Variants in NDUFB5 observed in about 807,000 individuals in gnomAD.
NDUFB5 encodes NADH dehydrogenase [ubiquinone] 1 beta subcomplex subunit 5, mitochondrial.
A neutral mutation model predicts 19.4 loss-of-function variants in NDUFB5; 19 were observed. The observed-to-expected ratio is 0.98, with a 90% CI of 0.68 to 1.43. The LOEUF (loss-of-function observed/expected upper bound fraction) is 1.43. Ranked by LOEUF, NDUFB5 falls within the 40% of genes most tolerant of loss-of-function variation. The probability of loss-of-function intolerance (pLI) is 0.00; values close to 1 mark genes in which losing one functional copy is unlikely to be tolerated. For missense variants in NDUFB5, 233 were observed against 236.5 expected (o/e 0.99, Z 0.10); for synonymous variants, 80 against 82.6 (o/e 0.97, Z 0.17).
chr3:179,615,831 A>G, intron 2 of NDUFB5, 152 bp from the exon 3 acceptor site: 1 of 668,306 alleles, frequency 1.5e-6, no homozygotes, highest in African/African-American at 1.8e-5. Context: ...TTTACCAAAA[A>G]GTAAAATCAC....
chr3:179,616,969 T>C lies in NDUFB5; in HGVS notation c.281-14T>C. 2 of 1,601,966 alleles carry C rather than the reference T, an allele frequency of 1.2e-6. No individual in the cohort carries two copies. Among genetic ancestry groups the C allele is most frequent in the Non-Finnish European group, 1.7e-6 (2 of 1,170,534 alleles). Reference sequence around the variant, plus strand: ...CTCATGCTAAAGTTAAACATAACCATTTTTTCTTATTAGGTCAAGCTGAAC... The same window carrying C: ...CTCATGCTAAAGTTAAACATAACCACTTTTTCTTATTAGGTCAAGCTGAAC... On this transcript the variant is annotated splice_polypyrimidine_tract_variant and intron_variant, in intron 3 of 5. Coordinates refer to ENST00000259037, the MANE Select transcript of NDUFB5 (RefSeq NM_002492.4).
chr3:179,616,120 A>G, intron 3 of NDUFB5, 71 bp downstream of exon 3: 1 of 1,081,754 alleles, frequency 9.2e-7, no homozygotes, highest in Non-Finnish European at 1.4e-6. Context: ...CATTAATATA[A>G]AAAAGAAATT....
At chr3:179,609,003 C>T (rs1719172767) in intron 1 of NDUFB5, among the ~76,000 whole-genome samples, 1 of 152,310 alleles carries the variant, frequency 6.6e-6, no homozygotes, top group South Asian at 2.1e-4. Flanking sequence ...TAAAGCTTCA[C>T]TTAACATCAT....
At position 179,618,458 on chromosome 3, in the gene NDUFB5, C is replaced by T. The variant is rs754971901; in HGVS notation, c.386C>T (p.Pro129Leu). Residue 129 changes from proline (P) to leucine (L), a missense_variant, in exon 5 of 6, where the codon CCT (proline) becomes CTT (leucine). Pro to Leu is a moderately conservative substitution (Grantham distance 98, BLOSUM62 -3). Transcript: ENST00000259037. The stretch of plus-strand genomic sequence containing the variant: ...ATTGCCCGTAATTTCTATGATAGTC[C>T]TGAAAAGATATATGAAAGAACAATG... Reference protein sequence around the residue: ...RWIARNFYDSPEKIYERTMAV... With the variant: ...RWIARNFYDSLEKIYERTMAV... 6.2e-7 allele frequency: 1 copy of T among 1,611,284 alleles called. No individual in the cohort carries two copies. Among genetic ancestry groups the T allele is most frequent in the Non-Finnish European group, 8.5e-7 (1 of 1,179,320 alleles).
chr3:179,613,441 A>G (rs911360430), intron 1 of NDUFB5, among the ~76,000 whole-genome samples: 7 of 152,024 alleles, frequency 4.6e-5, no homozygotes, highest in African/African-American at 1.2e-4. Context: ...TGTAGTGTGT[A>G]TTTCTCCCAG....
rs1185733913 is a variant in NDUFB5 at position 179,616,042 on chromosome 3, A to G, written c.273A>G (p.Val91=). ...PVAIFITLVN[V]FIGQAELAEI... is the part of the protein sequence containing the mutation. Reference sequence around the variant, plus strand: ...CAATTTTCATAACTCTGGTGAATGTATTCATTGGTAAGTCACTTCCATCCC... The same window carrying G: ...CAATTTTCATAACTCTGGTGAATGTGTTCATTGGTAAGTCACTTCCATCCC... Residue 91 remains valine, a synonymous_variant, in exon 3 of 6, where the codon GTA becomes GTG. Coordinates refer to ENST00000259037, the MANE Select transcript of NDUFB5 (RefSeq NM_002492.4). 1 of 1,613,280 alleles carries G rather than the reference A, an allele frequency of 6.2e-7. No homozygotes were observed. Among genetic ancestry groups the G allele is most frequent in the East Asian group, 2.2e-5 (1 of 44,846 alleles).
rs1719694821 is a variant in NDUFB5 at position 179,627,233 on chromosome 3, G to T, written c.*3193G>T. ...AAAGAAATCAAAGAGTGTGTAAGCA[G>T]AAACTCAGTTGTACGTAAGAAAACC... On this transcript the variant is annotated 3_prime_UTR_variant, in exon 6 of 6. Coordinates refer to ENST00000259037, the MANE Select transcript of NDUFB5 (RefSeq NM_002492.4). The T allele has an allele frequency of 6.6e-6, 1 of 152,118 alleles. No individual in the cohort carries two copies. The highest frequency in any genetic ancestry group is 6.6e-5 in the Admixed American group (1 of 15,264). The allele number at this position is 152,118 out of a possible 1,614,324, so 9.4% of individuals were successfully genotyped here. A position where few individuals can be genotyped will look rare whatever the true frequency, so the allele number is the denominator to read the frequency against.
At position 179,615,040 on chromosome 3, in the gene NDUFB5, G is replaced by C. The variant is rs1013196739; in HGVS notation, c.194G>C (p.Arg65Thr). ...FVIRPSRFYD[R>T]RFLKLLRFYI... ...ATCAGACCTTCTAGATTCTATGACAGGCGTTTTTTGAAGTTATTGGTAAGT... is the reference window on the plus strand; with the variant it reads ...ATCAGACCTTCTAGATTCTATGACACGCGTTTTTTGAAGTTATTGGTAAGT... The change falls in exon 2 of 6, where the codon AGG becomes ACG. Residue 65 changes from arginine (R) to threonine (T), a missense_variant. Coordinates refer to ENST00000259037, the MANE Select transcript of NDUFB5 (RefSeq NM_002492.4). 1.9e-6 allele frequency: 3 copies of C among 1,606,174 alleles called. No homozygotes were observed. In the African/African-American group the frequency reaches 4.0e-5, roughly 21 times the overall value.
Position 179,605,949 on chromosome 3 carries a change from G to A in NDUFB5, c.124+1010G>A, listed in dbSNP as rs893850668. 3.9e-5 allele frequency among the ~76,000 whole-genome samples: 6 copies of A among 152,014 alleles called. No homozygotes were observed. The South Asian group carries it at 6.2e-4, about 16-fold the overall frequency. On this transcript the variant is annotated intron_variant, in intron 1 of 5. Transcript: ENST00000259037. The stretch of plus-strand genomic sequence containing the variant: ...TGAGGCTACAGGTGCACACCACCAC[G>A]CCTGGCTAATTTTTGTATATTTAGT...
In NDUFB5 at chr3:179,625,256, A is replaced by G. The variant is rs1201651310; in HGVS notation, c.*1216A>G. The G allele has an allele frequency of 1.3e-5, 2 of 152,204 alleles. No individual in the cohort carries two copies. Among genetic ancestry groups the G allele is most frequent in the Non-Finnish European group, 1.5e-5 (1 of 68,038 alleles). 9.4% of individuals were successfully genotyped at this position (152,204 alleles called of 1,614,324 possible). ...CAAACCTGTAACAGCTTATCAATGCATCTCATCTTAGAAGTATGTTTTACA... is the reference window on the plus strand; with the variant it reads ...CAAACCTGTAACAGCTTATCAATGCGTCTCATCTTAGAAGTATGTTTTACA... On this transcript the variant is annotated 3_prime_UTR_variant, in exon 6 of 6. Coordinates refer to ENST00000259037, the MANE Select transcript of NDUFB5 (RefSeq NM_002492.4).
chr3:179,607,884 A>G (rs182921514), intron 1 of NDUFB5: 6 of 679,982 alleles, frequency 8.8e-6, no homozygotes, highest in Non-Finnish European at 1.1e-5. Flanking sequence ...GTCGTAGCAT[A>G]TGTCAGAATT....
Position 179,624,373 on chromosome 3 carries a change from G to T in NDUFB5, c.*333G>T, listed in dbSNP as rs1189949521. ...AGTAATTATAGTATTTTGTACAAAT[G>T]CCTGTACTGTAGATGTCTGTATTAT... is the stretch of plus-strand genomic sequence containing the variant. On this transcript the variant is annotated 3_prime_UTR_variant, in exon 6 of 6. Coordinates refer to ENST00000259037, the MANE Select transcript of NDUFB5 (RefSeq NM_002492.4). 1.6e-5 allele frequency: 3 copies of T among 189,934 alleles called. No homozygotes were observed. The highest frequency in any genetic ancestry group is 3.2e-5 in the Non-Finnish European group (3 of 93,666). 11.8% of individuals were successfully genotyped at this position (189,934 alleles called of 1,614,324 possible). A position where few individuals can be genotyped will look rare whatever the true frequency, so the allele number is the denominator to read the frequency against.
chr3:179,613,241 G>A (rs1305363558), intron 1 of NDUFB5, among the ~76,000 whole-genome samples: 1 of 152,002 alleles, frequency 6.6e-6, no homozygotes, highest in East Asian at 1.9e-4. Flanking sequence ...GGTTACTGCA[G>A]TAATTAATCA....
At chr3:179,613,719 T>C (rs1382667176) in intron 1 of NDUFB5, among the ~76,000 whole-genome samples, 4 of 152,200 alleles carry the variant, frequency 2.6e-5, no homozygotes, top group Non-Finnish European at 5.9e-5. Context: ...AATTCTCTTG[T>C]GAATCAACCT....
At chr3:179,613,525 A>G (rs1002931443) in intron 1 of NDUFB5, among the ~76,000 whole-genome samples, 1 of 152,236 alleles carries the variant, frequency 6.6e-6, no homozygotes, top group African/African-American at 2.4e-5. Flanking sequence ...TTAAATATGT[A>G]TTGAATTAAT....
At chr3:179,606,227 T>C (rs1303157509) in intron 1 of NDUFB5, among the ~76,000 whole-genome samples, 1 of 152,236 alleles carries the variant, frequency 6.6e-6, no homozygotes, top group Non-Finnish European at 1.5e-5. Context: ...GCAAAGAAAT[T>C]ACAATGTTAT....
At position 179,624,241 on chromosome 3, in the gene NDUFB5, G is replaced by A; in HGVS notation, c.*201G>A. ...GGTTTAAAATGTACTAATAAAAACTGGAGAAATAGGAATTTGTGAACTCCT... is the reference window on the plus strand; with the variant it reads ...GGTTTAAAATGTACTAATAAAAACTAGAGAAATAGGAATTTGTGAACTCCT... On this transcript the variant is annotated 3_prime_UTR_variant, in exon 6 of 6. Coordinates refer to ENST00000259037, the MANE Select transcript of NDUFB5 (RefSeq NM_002492.4). The A allele has an allele frequency of 2.5e-6, 1 of 392,636 alleles. No homozygotes were observed. Among genetic ancestry groups the A allele is most frequent in the Non-Finnish European group, 4.4e-6 (1 of 225,408 alleles). 24.3% of individuals were successfully genotyped at this position (392,636 alleles called of 1,614,324 possible). A position where few individuals can be genotyped will look rare whatever the true frequency, so the allele number is the denominator to read the frequency against.
At chr3:179,616,393 C>A (rs936197304) in intron 3 of NDUFB5, among the ~76,000 whole-genome samples, 2 of 151,848 alleles carry the variant, frequency 1.3e-5, no homozygotes, top group African/African-American at 4.8e-5. Flanking sequence ...ATACAAAAAA[C>A]TAGCTGGGCG....
intron 4 of NDUFB5, among the ~76,000 whole-genome samples, chr3:179,617,687 G>T (rs1192069881): frequency 6.6e-6 from 1 of 152,106 alleles, no homozygotes; most frequent in Non-Finnish European, 1.5e-5. Context: ...TATGTAACAG[G>T]TACTGTGCTG....
Sources: allele counts gnomAD v4.1 joint callset (sites outside exome capture counted in the v4.1 genomes callset), GRCh38; gene constraint gnomAD v4.1.1; transcripts MANE v1.5; gene names NCBI Gene and HGNC (gene_info 2026-07-23, HGNC 2026-07-21).